LRRC4C: variants seen among roughly 807,000 people sequenced by gnomAD.
LRRC4C encodes leucine rich repeat containing 4C.
LRRC4C carries 5 observed loss-of-function variants against 33.6 expected under a neutral mutation model. The ratio of observed to expected loss-of-function variants is 0.15; its 90% CI spans 0.08 to 0.31. The LOEUF is 0.31. Ranked by LOEUF, LRRC4C falls within the 10% of genes least tolerant of loss-of-function variation. The probability of loss-of-function intolerance (pLI) is 1.00; values close to 1 mark genes in which losing one functional copy is unlikely to be tolerated. For missense variants in LRRC4C, 560 were observed against 796.7 expected, an observed-to-expected ratio of 0.70 and a Z score of 3.58; for synonymous variants, 329 against 302.0, an observed-to-expected ratio of 1.09 and a Z score of -0.93.
At chr11:40,960,982 C>T (rs1020264748) in intron 1 of LRRC4C, among the ~76,000 whole-genome samples, 1 of 151,664 alleles carries the variant, frequency 6.6e-6, no homozygotes, top group African/African-American at 2.4e-5. Context: ...GTCTCTGACA[C>T]ATTTGAGATC....
intron 3 of LRRC4C, among the ~76,000 whole-genome samples, chr11:40,469,581 T>A (rs1952824893): frequency 6.6e-6 from 1 of 152,146 alleles, no homozygotes; most frequent in African/African-American, 2.4e-5. Flanking sequence ...CCAAGTGGTC[T>A]AGCTCAGTGG....
At chr11:41,432,726 G>A (rs529351283) in intron 1 of LRRC4C, among the ~76,000 whole-genome samples, 1 of 152,144 alleles carries the variant, frequency 6.6e-6, no homozygotes, top group Admixed American at 6.6e-5. Context: ...GTGCTCTAGA[G>A]ACATTTTATA....
chr11:40,502,066 G>A (rs542355269), intron 3 of LRRC4C, among the ~76,000 whole-genome samples: 4 of 152,212 alleles, frequency 2.6e-5, no homozygotes, highest in African/African-American at 7.2e-5. Flanking sequence ...GCAAAATGCT[G>A]CCAGTCTCCT....
intron 1 of LRRC4C, among the ~76,000 whole-genome samples, chr11:41,133,464 A>C (rs1943109346): frequency 6.6e-6 from 1 of 151,092 alleles, no homozygotes; most frequent in African/African-American, 2.5e-5. Flanking sequence ...TAAACTACAT[A>C]TAAAATCCTA....
intron 1 of LRRC4C, among the ~76,000 whole-genome samples, chr11:41,332,341 G>GT (rs963838081): frequency 2.6e-5 from 4 of 152,166 alleles, no homozygotes; most frequent in African/African-American, 9.6e-5. Context: ...ATACTTTAGG[G>GT]TTTTTTTAAA....
chr11:41,312,561 C>T (rs756507266), intron 1 of LRRC4C, among the ~76,000 whole-genome samples: 1 of 152,120 alleles, frequency 6.6e-6, no homozygotes, highest in Non-Finnish European at 1.5e-5. Context: ...GAGATTAGTG[C>T]ACAGCATATA....
chr11:40,125,910 A>G (rs1464941611), intron 6 of LRRC4C, among the ~76,000 whole-genome samples: 1 of 152,192 alleles, frequency 6.6e-6, no homozygotes, highest in East Asian at 1.9e-4. Context: ...TTTTTAACCC[A>G]ATCTTGCAAA....
rs146361729 is a variant in LRRC4C at position 41,084,675 on chromosome 11, C to T, written c.-495-150952G>A. Reference sequence around the variant, plus strand: ...ACCAGCCTGGCCAACATGGTGAAACCCCATCTCTGCTAAAAATACACAAAT... The same window carrying T: ...ACCAGCCTGGCCAACATGGTGAAACTCCATCTCTGCTAAAAATACACAAAT... On this transcript the variant is annotated intron_variant, in intron 1 of 6. Transcript: ENST00000528697. Among the ~76,000 whole-genome samples, 559 of 152,158 alleles carry T rather than the reference C, an allele frequency of 3.7e-3. 3 individuals carry two copies. Among genetic ancestry groups the T allele is most frequent in the African/African-American group, 0.013 (527 of 41,504 alleles).
At chr11:41,105,396 A>G (rs1941435742) in intron 1 of LRRC4C, among the ~76,000 whole-genome samples, 1 of 151,998 alleles carries the variant, frequency 6.6e-6, no homozygotes, top group Admixed American at 6.6e-5. Flanking sequence ...ATCACTACGC[A>G]CATAATCTAT....
chr11:40,868,719 A>G (rs1044693766), intron 2 of LRRC4C, among the ~76,000 whole-genome samples: 2 of 152,162 alleles, frequency 1.3e-5, no homozygotes, highest in African/African-American at 4.8e-5. Context: ...GCTTTGTAAT[A>G]TATAATCAAA....
intron 3 of LRRC4C, among the ~76,000 whole-genome samples, chr11:40,617,253 C>T (rs1408933122): frequency 6.6e-6 from 1 of 151,690 alleles, no homozygotes; most frequent in Non-Finnish European, 1.5e-5. Context: ...AAATAGCATG[C>T]ATTTTATCTT....
intron 1 of LRRC4C, among the ~76,000 whole-genome samples, chr11:41,406,083 A>G (rs1236988563): frequency 7.1e-6 from 1 of 141,044 alleles, no homozygotes; most frequent in East Asian, 2.1e-4. Context: ...GAGGGGAGTA[A>G]AAAGGATGAA....
intron 1 of LRRC4C, among the ~76,000 whole-genome samples, chr11:41,251,015 T>G (rs1948621456): frequency 1.3e-5 from 2 of 152,344 alleles, no homozygotes; most frequent in South Asian, 4.1e-4. Context: ...GAAAAAATTG[T>G]TAATTTTTGT....
intron 3 of LRRC4C, among the ~76,000 whole-genome samples, chr11:40,536,137 C>A (rs1309216116): frequency 6.6e-6 from 1 of 152,164 alleles, no homozygotes; most frequent in Non-Finnish European, 1.5e-5. Context: ...AATTCTTAGG[C>A]TCTTCCCTAG....
chr11:41,136,904 A>T (rs374350075), intron 1 of LRRC4C, among the ~76,000 whole-genome samples: 3 of 152,254 alleles, frequency 2.0e-5, no homozygotes, highest in Admixed American at 6.5e-5. Flanking sequence ...TTGCCTACAT[A>T]AATTTTGTGT....
At chr11:40,973,956 A>G (rs1399843181) in intron 1 of LRRC4C, among the ~76,000 whole-genome samples, 1 of 152,148 alleles carries the variant, frequency 6.6e-6, no homozygotes, top group African/African-American at 2.4e-5. Flanking sequence ...TCTCTAAGTC[A>G]CTACCTGGAG....
chr11:41,289,426 C>A (rs1949929838), intron 1 of LRRC4C, among the ~76,000 whole-genome samples: 1 of 152,100 alleles, frequency 6.6e-6, no homozygotes, highest in Admixed American at 6.5e-5. Flanking sequence ...TAACGGTTAA[C>A]ATAACTGTAT....
intron 1 of LRRC4C, among the ~76,000 whole-genome samples, chr11:41,388,455 A>G (rs1009395169): frequency 6.6e-6 from 1 of 151,902 alleles, no homozygotes; most frequent in Non-Finnish European, 1.5e-5. Flanking sequence ...CAGATGTGCA[A>G]ATAATCATGG....
chr11:41,184,741 T>G (rs1945610559), intron 1 of LRRC4C, among the ~76,000 whole-genome samples: 1 of 151,834 alleles, frequency 6.6e-6, no homozygotes, highest in Admixed American at 6.6e-5. Flanking sequence ...ACGTCCCACT[T>G]TACTGGTACC....
Sources: allele counts gnomAD v4.1 joint callset (sites outside exome capture counted in the v4.1 genomes callset), GRCh38; gene constraint gnomAD v4.1.1; transcripts MANE v1.5; gene names NCBI Gene and HGNC (gene_info 2026-07-23, HGNC 2026-07-21).